FSTL5: variants seen among roughly 807,000 people sequenced by gnomAD.
FSTL5 encodes the protein follistatin-related protein 5.
In FSTL5, 62 loss-of-function variants were observed where a neutral mutation model predicts 89.1. The ratio of observed to expected loss-of-function variants is 0.70; its 90% CI spans 0.57 to 0.86. FSTL5 has a LOEUF of 0.86. Ranked by LOEUF, FSTL5 falls within the 40% of genes least tolerant of loss-of-function variation. FSTL5 has a pLI of 0.00. For missense variants in FSTL5, 1,057 were observed against 1,001.6 expected (o/e 1.06, Z -0.75); for synonymous variants, 383 against 346.2 (o/e 1.11, Z -1.18).
intron 8 of FSTL5, among the ~76,000 whole-genome samples, chr4:161,546,230 AG>A (rs1237153325): frequency 6.7e-6 from 1 of 150,252 alleles, no homozygotes; most frequent in Non-Finnish European, 1.5e-5. Context: ...AATACAGATG[AG>A]AGAGTAAGTG....
intron 7 of FSTL5, among the ~76,000 whole-genome samples, chr4:161,608,863 TCAACTAGC>T (rs1734546204): frequency 6.6e-6 from 1 of 152,068 alleles, no homozygotes; most frequent in South Asian, 2.1e-4. Context: ...GTCAAATCTT[TCAACTAGC>T]CACAGTCTTT....
At chr4:161,830,053 C>CA (rs971426698) in intron 4 of FSTL5, among the ~76,000 whole-genome samples, 2 of 151,816 alleles carry the variant, frequency 1.3e-5, no homozygotes, top group Admixed American at 6.6e-5. Context: ...GAATAAGAAA[C>CA]AAAAAAATAT....
intron 3 of FSTL5, among the ~76,000 whole-genome samples, chr4:161,975,609 G>C (rs188451129): frequency 2.7e-5 from 4 of 150,938 alleles, no homozygotes; most frequent in Admixed American, 6.6e-5. Context: ...GTGGTGGGGT[G>C]GGGGGAGTGG....
chr4:161,867,820 T>A (rs1024657224), intron 4 of FSTL5, among the ~76,000 whole-genome samples: 3 of 151,798 alleles, frequency 2.0e-5, no homozygotes, highest in Non-Finnish European at 4.4e-5. Flanking sequence ...ATTTCAGTCA[T>A]CATTTCAGAC....
chr4:162,037,971 A>T (rs571158828), intron 2 of FSTL5, among the ~76,000 whole-genome samples: 1 of 152,080 alleles, frequency 6.6e-6, no homozygotes, highest in African/African-American at 2.4e-5. Context: ...ATGAGAAAAC[A>T]TTATAAAGAA....
chr4:162,131,291 T>A (rs10002570), intron 1 of FSTL5, among the ~76,000 whole-genome samples: 88 of 152,372 alleles, frequency 5.8e-4, no homozygotes, highest in African/African-American at 2.0e-3. Flanking sequence ...TTTTCACTTA[T>A]AAGCCACTAA....
At chr4:161,840,523 C>A (rs1273217051) in intron 4 of FSTL5, among the ~76,000 whole-genome samples, 1 of 152,134 alleles carries the variant, frequency 6.6e-6, no homozygotes, top group East Asian at 1.9e-4. Flanking sequence ...CAAGACTAAT[C>A]CTCAGGTAGT....
chr4:161,430,129 C>T (rs1732303998), intron 15 of FSTL5, among the ~76,000 whole-genome samples: 2 of 151,458 alleles, frequency 1.3e-5, no homozygotes, highest in Non-Finnish European at 2.9e-5. Flanking sequence ...CTCTTAATAG[C>T]AGAAGTCACC....
chr4:161,697,656 A>G (rs997919159), intron 6 of FSTL5, among the ~76,000 whole-genome samples: 1 of 152,202 alleles, frequency 6.6e-6, no homozygotes, highest in Non-Finnish European at 1.5e-5. Context: ...ATACAATGGA[A>G]TACTATTCAT....
intron 3 of FSTL5, among the ~76,000 whole-genome samples, chr4:161,947,616 G>A (rs945514974): frequency 6.6e-6 from 1 of 151,886 alleles, no homozygotes; most frequent in Non-Finnish European, 1.5e-5. Flanking sequence ...CTGTAGCTTT[G>A]TTATAAGTTT....
chr4:161,726,148 T>C (rs1057119873), intron 6 of FSTL5, among the ~76,000 whole-genome samples: 9 of 152,182 alleles, frequency 5.9e-5, no homozygotes, highest in Non-Finnish European at 1.3e-4. Flanking sequence ...AAAAACTATA[T>C]TATAACATGA....
At chr4:161,869,615 T>A (rs1732199955) in intron 4 of FSTL5, among the ~76,000 whole-genome samples, 1 of 152,206 alleles carries the variant, frequency 6.6e-6, no homozygotes, top group Non-Finnish European at 1.5e-5. Flanking sequence ...TTGTGAGTGT[T>A]ACTGGCATCT....
At chr4:161,686,346 A>ATTT (rs1198667810) in intron 6 of FSTL5, among the ~76,000 whole-genome samples, 1 of 12,300 alleles carries the variant, frequency 8.1e-5, no homozygotes, top group African/African-American at 2.4e-4. Context: ...ATATATATAT[A>ATTT]TTTTTTTTTT....
intron 3 of FSTL5, among the ~76,000 whole-genome samples, chr4:162,005,203 C>G (rs1736582653): frequency 6.6e-6 from 1 of 152,126 alleles, no homozygotes; most frequent in African/African-American, 2.4e-5. Flanking sequence ...ACTTCCAGCT[C>G]TGTTTCCTGT....
At chr4:161,542,982 A>T (rs376132342) in intron 8 of FSTL5, among the ~76,000 whole-genome samples, 2 of 152,000 alleles carry the variant, frequency 1.3e-5, no homozygotes, top group Non-Finnish European at 2.9e-5. Flanking sequence ...AAAAGGATAC[A>T]GAAACCAGTT....
intron 15 of FSTL5, among the ~76,000 whole-genome samples, chr4:161,407,054 T>C (rs905371847): frequency 6.6e-6 from 1 of 152,184 alleles, no homozygotes; most frequent in African/African-American, 2.4e-5. Context: ...TAAAGGGGAA[T>C]GGGAAGTAAT....
chr4:161,818,289 T>TC (rs1730389475), intron 4 of FSTL5, among the ~76,000 whole-genome samples: 2 of 152,094 alleles, frequency 1.3e-5, no homozygotes, highest in South Asian at 4.2e-4. Flanking sequence ...TCCTTCCGGC[T>TC]CCCCCACCTG....
intron 4 of FSTL5, among the ~76,000 whole-genome samples, chr4:161,892,265 TC>T (rs974279400): frequency 2.6e-5 from 4 of 152,020 alleles, no homozygotes; most frequent in Non-Finnish European, 5.9e-5. Flanking sequence ...TTCATTGGCT[TC>T]CCTTCTTAGT....
At chr4:161,773,627 T>A (rs1284047235) in intron 5 of FSTL5, among the ~76,000 whole-genome samples, 1 of 151,992 alleles carries the variant, frequency 6.6e-6, no homozygotes, top group Admixed American at 6.6e-5. Flanking sequence ...GAAATGCAAA[T>A]CAAAATCACC....
Sources: gnomAD v4.1 joint callset for allele counts (sites outside exome capture counted in the v4.1 genomes callset) on GRCh38, gnomAD v4.1.1 for gene constraint, MANE v1.5 for transcripts, NCBI Gene and HGNC (gene_info 2026-07-23, HGNC 2026-07-21) for gene names.